The following CKM variants were observed in gnomAD, a reference collection of about 807,000 sequenced individuals.
The protein encoded by CKM is creatine kinase, M-type.
Under a neutral mutation model 35.4 loss-of-function variants are expected in CKM, and 28 were observed. That is an observed-to-expected ratio of 0.79 (90% confidence interval 0.59 to 1.08). The LOEUF is 1.08. Among genes scored for constraint, CKM ranks in the 50% least tolerant of loss-of-function variants. The pLI is 0.00. For synonymous variants in CKM, 215 were observed against 204.4 expected, an observed-to-expected ratio of 1.05 and a Z score of -0.44; for missense variants, 484 against 509.8, an observed-to-expected ratio of 0.95 and a Z score of 0.49.
chr19:45,310,412 G>T (rs992420320), intron 5 of CKM, among the ~76,000 whole-genome samples: 1 of 152,086 alleles, frequency 6.6e-6, no homozygotes, highest in Non-Finnish European at 1.5e-5. Flanking sequence ...GAGCCACCGC[G>T]CCTGGCCCAG....
At chr19:45,319,918 G>A (rs1971197396) in intron 1 of CKM, among the ~76,000 whole-genome samples, 187 bp from the exon 2 acceptor site, 1 of 151,750 alleles carries the variant, frequency 6.6e-6, no homozygotes, top group Non-Finnish European at 1.5e-5. Context: ...AGCCTCCCGA[G>A]TAGCTGGGAA....
At chr19:45,317,282 T>TTTATTTA (rs1568512119) in intron 3 of CKM, among the ~76,000 whole-genome samples, 2 of 151,562 alleles carry the variant, frequency 1.3e-5, no homozygotes, top group African/African-American at 2.4e-5. Flanking sequence ...TAATTTATTT[T>TTTATTTA]ATTTATTTAT....
chr19:45,310,287 A>C (rs1971095334), intron 5 of CKM, among the ~76,000 whole-genome samples: 1 of 151,676 alleles, frequency 6.6e-6, no homozygotes, highest in Admixed American at 6.6e-5. Flanking sequence ...AGCCCAGCTA[A>C]TTTTTTGTAT....
At position 45,307,503 on chromosome 19, in the gene CKM, C is replaced by T. The variant is rs374105815; in HGVS notation, c.925G>A (p.Glu309Lys). 3.1e-6 allele frequency: 5 copies of T among 1,613,806 alleles called. No individual in the cohort carries two copies. Among genetic ancestry groups the T allele is most frequent in the Non-Finnish European group, 4.2e-6 (5 of 1,179,882 alleles). Residue 309 changes from glutamate (E) to lysine (K), a missense_variant, in exon 7 of 8, where the codon GAG becomes AAG. Glu to Lys is a moderately conservative substitution (Grantham distance 56). Transcript: ENST00000221476. ...AGACGCAGGCGGGTGAGGATCTCCT[C>T]GAACTTGGGGTGCTTGCTCAGGTGC... ...LAHLSKHPKF[E>K]EILTRLRLQK... is the part of the protein sequence containing the mutation.
At chr19:45,309,071 A>G (rs1971082655) in intron 5 of CKM, among the ~76,000 whole-genome samples, 1 of 151,548 alleles carries the variant, frequency 6.6e-6, no homozygotes, top group South Asian at 2.1e-4. Context: ...ACTAAAAAAT[A>G]CAAAAAAAAA....
intron 5 of CKM, 54 bp from the exon 6 acceptor site, chr19:45,308,586 A>T: frequency 2.5e-6 from 4 of 1,593,334 alleles, no homozygotes; most frequent in Non-Finnish European, 3.4e-6. Flanking sequence ...TGGGAACCCC[A>T]TTCCCAGCCC....
rs759748220 is a variant in CKM at position 45,317,892 on chromosome 19, G to A, written c.281C>T (p.Ser94Leu). ...GGGTTTGTAGCCCCCGTGGCGATCC[G>A]AGATGATGGGGTCAAAGAGTTCCTT... ...VFKELFDPII[S>L]DRHGGYKPTD... The change falls in exon 3 of 8, where the codon TCG becomes TTG. Residue 94 changes from serine (S) to leucine (L), a missense_variant. Physicochemically the swap from Ser to Leu is moderately radical, Grantham distance 145. Transcript: ENST00000221476. The A allele has an allele frequency of 1.6e-5, 26 of 1,613,852 alleles. No individual in the cohort carries two copies. The highest frequency in any genetic ancestry group is 2.0e-5 in the Non-Finnish European group (24 of 1,179,988).
At chr19:45,307,069 T>TG in intron 7 of CKM, 141 bp from the exon 8 acceptor site, 1 of 796,204 alleles carries the variant, frequency 1.3e-6, no homozygotes, top group Non-Finnish European at 2.1e-6. Flanking sequence ...TAATGCCTGT[T>TG]CATTCGTGAG....
At chr19:45,322,181 C>T (rs140822100) in intron 1 of CKM, among the ~76,000 whole-genome samples, 1 of 151,690 alleles carries the variant, frequency 6.6e-6, no homozygotes, top group Admixed American at 6.6e-5. Flanking sequence ...CTGCCAGGGA[C>T]ACCCCAGGAG....
intron 4 of CKM, 90 bp downstream of exon 4, chr19:45,315,375 C>T (rs888147762): frequency 2.1e-5 from 30 of 1,442,970 alleles, no homozygotes; most frequent in African/African-American, 1.3e-4. Flanking sequence ...CTTTGAAAAG[C>T]GGGGGCCCAA....
intron 4 of CKM, among the ~76,000 whole-genome samples, chr19:45,312,687 C>T (rs1184369033): frequency 6.6e-6 from 1 of 151,998 alleles, no homozygotes; most frequent in Non-Finnish European, 1.5e-5. Context: ...GGCGCAGTGG[C>T]TCATGCCTAT....
At chr19:45,320,921 G>C (rs1198171056) in intron 1 of CKM, among the ~76,000 whole-genome samples, 1 of 123,514 alleles carries the variant, frequency 8.1e-6, no homozygotes, top group Non-Finnish European at 1.8e-5. Flanking sequence ...TTATGTTTGA[G>C]ACAGAGTCTC....
intron 5 of CKM, among the ~76,000 whole-genome samples, chr19:45,310,007 T>A (rs1971091508): frequency 6.6e-6 from 1 of 152,064 alleles, no homozygotes; most frequent in African/African-American, 2.4e-5. Context: ...TCTTTGACTA[T>A]CTGAATCAGG....
chr19:45,315,925 C>T (rs553637227), intron 3 of CKM, among the ~76,000 whole-genome samples: 2 of 147,338 alleles, frequency 1.4e-5, no homozygotes, highest in Non-Finnish European at 3.0e-5. Flanking sequence ...CTCACTGCAA[C>T]CTCAAACTCC....
At position 45,306,467 on chromosome 19, in the gene CKM, C is replaced by T. The variant is rs866645485; in HGVS notation, c.*283G>A. 3.9e-6 allele frequency: 2 copies of T among 508,114 alleles called. No homozygotes were observed. Among genetic ancestry groups the T allele is most frequent in the Non-Finnish European group, 7.2e-6 (2 of 278,642 alleles). The allele number at this position is 508,114 out of a possible 1,614,324, so 31.5% of individuals were successfully genotyped here. On this transcript the variant is annotated 3_prime_UTR_variant, in exon 8 of 8. Transcript: ENST00000221476. This position sits in a 1 kb window ranked among gnomAD's most constrained non-coding sequence, Gnocchi z 4.5. ...TTGCGTGGAGACAAAGCACAAGCTC[C>T]GAGTGTGCTGGGAGCTCTCCATTAA...
At chr19:45,309,362 C>T (rs1971086124) in intron 5 of CKM, among the ~76,000 whole-genome samples, 1 of 151,886 alleles carries the variant, frequency 6.6e-6, no homozygotes, top group Non-Finnish European at 1.5e-5. Flanking sequence ...CAAGACTACC[C>T]TGGGCAACAT....
chr19:45,321,320 T>TC (rs1971212087), intron 1 of CKM, among the ~76,000 whole-genome samples: 1 of 147,358 alleles, frequency 6.8e-6, no homozygotes, highest in Admixed American at 6.8e-5. Context: ...AAGGGCTGGG[T>TC]CGGGGGAGGG....
Position 45,307,666 on chromosome 19 carries a change from A to G in CKM, c.778-16T>C. 2 of 1,612,428 alleles carry G rather than the reference A, an allele frequency of 1.2e-6. No homozygotes were observed. Among genetic ancestry groups the G allele is most frequent in the Non-Finnish European group, 1.7e-6 (2 of 1,179,186 alleles). ...TCTCCTCAATCTGAGGTTCAGAGAG[A>G]GGACCAGGGGTCAGCGCCGGCAGGC... On this transcript the variant is annotated splice_polypyrimidine_tract_variant and intron_variant, in intron 6 of 7. Coordinates refer to ENST00000221476, the MANE Select transcript of CKM (RefSeq NM_001824.5).
At chr19:45,310,371 T>C (rs17875622) in intron 5 of CKM, among the ~76,000 whole-genome samples, 5,676 of 151,638 alleles carry the variant, frequency 0.037, 128 homozygotes, top group Non-Finnish European at 0.057. Context: ...CCGCCCGCCT[T>C]GGCCTCCCAA....
Sources: gnomAD v4.1 joint callset for allele counts (sites outside exome capture counted in the v4.1 genomes callset) on GRCh38, gnomAD v4.1.1 for gene constraint, Gnocchi (gnomAD v3.1) non-coding constraint, MANE v1.5 for transcripts, NCBI Gene and HGNC (gene_info 2026-07-23, HGNC 2026-07-21) for gene names.